The following HDAC4 variants were observed in gnomAD, a reference collection of about 807,000 sequenced individuals.
HDAC4 encodes the protein histone deacetylase 4, also known as histone deacetylase A.
HDAC4 carries 16 observed loss-of-function variants against 135.1 expected under a neutral mutation model. The observed-to-expected ratio is 0.12, with a 90% CI of 0.08 to 0.18. The LOEUF (loss-of-function observed/expected upper bound fraction) is 0.18. Ranked by LOEUF, HDAC4 falls within the 10% of genes least tolerant of loss-of-function variation. The pLI, the probability that HDAC4 is intolerant of heterozygous loss-of-function variation, is 1.00. For missense variants in HDAC4, 1,143 were observed against 1,511.8 expected (o/e 0.76, Z 4.05); for synonymous variants, 685 against 653.4 (o/e 1.05, Z -0.74).
intron 5 of HDAC4, among the ~76,000 whole-genome samples, chr2:239,166,798 T>C (rs554991463): frequency 2.0e-5 from 3 of 152,164 alleles, no homozygotes; most frequent in Admixed American, 6.5e-5. Flanking sequence ...GGAAGATAAG[T>C]GAGCAGAGAA....
chr2:239,302,915 C>A lies in HDAC4; in HGVS notation c.22+49763G>T, dbSNP rs1359076704. Among the ~76,000 whole-genome samples the A allele has an allele frequency of 2.6e-5, 4 of 152,340 alleles. No homozygotes were observed. The East Asian group carries it at 7.7e-4, about 29-fold the overall frequency. ...GCGGGGAATGGCATTGTGGTGACAG[C>A]CCCAAGCAGGGGGCCACACAGGCTC... On this transcript the variant is annotated intron_variant, in intron 2 of 26. Transcript: ENST00000543185.
chr2:239,293,889 G>A (rs1204533348), intron 2 of HDAC4, among the ~76,000 whole-genome samples: 1 of 152,188 alleles, frequency 6.6e-6, no homozygotes, highest in Non-Finnish European at 1.5e-5. Context: ...CTTTCTAGTG[G>A]GAAAACATTT....
chr2:239,325,822 G>A (rs528848536), intron 2 of HDAC4, among the ~76,000 whole-genome samples: 10 of 152,144 alleles, frequency 6.6e-5, no homozygotes, highest in African/African-American at 2.2e-4. Context: ...AAAATTAACC[G>A]GGCGTGGTGG....
chr2:239,274,125 G>GT (rs1302649686), intron 2 of HDAC4, among the ~76,000 whole-genome samples: 2 of 152,142 alleles, frequency 1.3e-5, no homozygotes, highest in South Asian at 2.1e-4. Flanking sequence ...TTTCACTTTC[G>GT]TAAATGTTTG....
At chr2:239,228,912 T>C (rs1216844011) in intron 3 of HDAC4, among the ~76,000 whole-genome samples, 3 of 152,008 alleles carry the variant, frequency 2.0e-5, no homozygotes, top group Admixed American at 6.6e-5. Flanking sequence ...GAGGCTGAGG[T>C]AGGCAGATCA....
At position 239,120,482 on chromosome 2, in the gene HDAC4, GATACACAA is replaced by G. The variant is rs1315541097; in HGVS notation, c.1534-5180_1534-5173del. Among the ~76,000 whole-genome samples, 3 of 151,506 alleles carry G rather than the reference GATACACAA, an allele frequency of 2.0e-5. No homozygotes were observed. In the East Asian group the frequency reaches 5.8e-4, roughly 29 times the overall value. On this transcript the variant is annotated intron_variant, in intron 12 of 26. Coordinates refer to ENST00000543185, the MANE Select transcript of HDAC4 (RefSeq NM_001378414.1). The stretch of plus-strand genomic sequence containing the variant: ...ATACACATGAAGAGACAGATACACA[GATACACAA>G]ATACACATAGGCACAGGCACACAGA...
chr2:239,226,350 T>C (rs774203986), intron 3 of HDAC4, among the ~76,000 whole-genome samples: 11 of 152,284 alleles, frequency 7.2e-5, no homozygotes, highest in Non-Finnish European at 1.5e-4. Context: ...CCCTGAGAGA[T>C]ACTCAGTGAG....
chr2:239,114,936 G>A, intron 13 of HDAC4, 117 bp downstream of exon 13: 1 of 1,247,318 alleles, frequency 8.0e-7, no homozygotes, highest in African/African-American at 1.5e-5. Context: ...TGAGACACTG[G>A]ACAGTGACCG....
Position 239,144,689 on chromosome 2 carries a change from C to G in HDAC4, c.759G>C (p.Arg253=), listed in dbSNP as rs752560079. 4.3e-6 allele frequency: 7 copies of G among 1,614,054 alleles called. No homozygotes were observed. The highest frequency in any genetic ancestry group is 5.9e-6 in the Non-Finnish European group (7 of 1,180,034). The part of the protein sequence containing the change: ...KTASEPNLKL[R]SRLKQKVAER... ...CGGCCACTTTCTGCTTTAGCCTGGA[C>G]CGTAATTTCAGATTCGGTTCAGAAG... The change falls in exon 8 of 27, where the codon CGG becomes CGC. Residue 253 remains arginine (R), a synonymous_variant. Transcript: ENST00000543185.
chr2:239,063,076 C>T (rs574452040), intron 24 of HDAC4, among the ~76,000 whole-genome samples: 26 of 152,352 alleles, frequency 1.7e-4, no homozygotes, highest in African/African-American at 6.3e-4. Context: ...GCTTGGCACA[C>T]ATGGGGTCTC....
chr2:239,158,056 G>A (rs894669330), intron 6 of HDAC4, among the ~76,000 whole-genome samples: 1 of 152,236 alleles, frequency 6.6e-6, no homozygotes. Context: ...TCGGACTGCA[G>A]GGCTGGGACA....
chr2:239,298,193 G>C (rs2052027791), intron 2 of HDAC4: 15 of 1,288,480 alleles, frequency 1.2e-5, no homozygotes, highest in Non-Finnish European at 1.4e-5. Flanking sequence ...CAAGCTCAGG[G>C]AACAGCAGAG....
chr2:239,216,048 A>G (rs1007022884), intron 3 of HDAC4, among the ~76,000 whole-genome samples: 5 of 152,204 alleles, frequency 3.3e-5, no homozygotes, highest in African/African-American at 1.2e-4. Context: ...AATCAAACAT[A>G]TATACTCTTC....
intron 4 of HDAC4, among the ~76,000 whole-genome samples, chr2:239,183,957 CAACTA>C (rs1057164276): frequency 6.6e-6 from 1 of 151,444 alleles, no homozygotes; most frequent in South Asian, 2.1e-4. Context: ...GTCACACTAT[CAACTA>C]AACAGCTCTG....
chr2:239,119,506 C>T (rs192253449), intron 12 of HDAC4, among the ~76,000 whole-genome samples: 4 of 150,064 alleles, frequency 2.7e-5, no homozygotes, highest in Non-Finnish European at 5.9e-5. Context: ...GGGCTGAGGG[C>T]GCGGGGACCA....
chr2:239,305,892 C>G (rs1031872715), intron 2 of HDAC4, among the ~76,000 whole-genome samples: 1 of 152,254 alleles, frequency 6.6e-6, no homozygotes, highest in Non-Finnish European at 1.5e-5. Context: ...GCTGCCCACA[C>G]GGGCCCTGAA....
At chr2:239,381,390 C>T (rs977067894) in intron 1 of HDAC4, among the ~76,000 whole-genome samples, 2 of 148,798 alleles carry the variant, frequency 1.3e-5, no homozygotes, top group African/African-American at 5.2e-5. Context: ...TCTGGGGAAT[C>T]GAAACCCATT....
intron 2 of HDAC4, among the ~76,000 whole-genome samples, chr2:239,266,138 G>A (rs905531925): frequency 6.6e-6 from 1 of 152,196 alleles, no homozygotes; most frequent in African/African-American, 2.4e-5. Context: ...TAAGGCCAAG[G>A]GGCCAGGCCA....
rs60878725 is a variant in HDAC4, at chr2:239,198,242, C to T, written c.95-8165G>A. On this transcript the variant is annotated intron_variant, in intron 3 of 26. Transcript: ENST00000543185. ...CTGGTTGCCCCTGGTTATGTGTTGC[C>T]GAGTGTGAGTGGAGGCACGAAAACC... Among the ~76,000 whole-genome samples the T allele has an allele frequency of 9.2e-5, 14 of 152,238 alleles. No homozygotes were observed. In the South Asian group the frequency reaches 1.9e-3, roughly 20 times the overall value.
Sources: allele counts gnomAD v4.1 joint callset (sites outside exome capture counted in the v4.1 genomes callset), GRCh38; gene constraint gnomAD v4.1.1; transcripts MANE v1.5; gene names NCBI Gene and HGNC (gene_info 2026-07-23, HGNC 2026-07-21).